SMYD3: variants seen among roughly 807,000 people sequenced by gnomAD.
SMYD3 encodes histone-lysine N-methyltransferase SMYD3.
Under a neutral mutation model 57.7 loss-of-function variants are expected in SMYD3, and 36 were observed. The ratio of observed to expected loss-of-function variants is 0.62; its 90% confidence interval spans 0.48 to 0.82. SMYD3 has a LOEUF of 0.82. SMYD3 is among the 40% of genes least tolerant of loss of function. The pLI, the probability that SMYD3 is intolerant of heterozygous loss-of-function variation, is 0.00. For synonymous variants in SMYD3, 211 were observed against 195.0 expected (o/e 1.08, Z -0.68); for missense variants, 515 against 538.8 (o/e 0.96, Z 0.44).
At chr1:246,006,244 C>T (rs779034023) in intron 5 of SMYD3, among the ~76,000 whole-genome samples, 11 of 151,926 alleles carry the variant, frequency 7.2e-5, no homozygotes, top group Non-Finnish European at 1.5e-4. Context: ...GTAGGAAGAG[C>T]CCGCCTTGCT....
At chr1:245,909,012 G>C (rs1468074705) in intron 8 of SMYD3, among the ~76,000 whole-genome samples, 1 of 151,542 alleles carries the variant, frequency 6.6e-6, no homozygotes, top group African/African-American at 2.4e-5. Flanking sequence ...CAATACAAAA[G>C]ATCAATGAAA....
At chr1:245,885,221 A>G (rs569773303) in intron 8 of SMYD3, among the ~76,000 whole-genome samples, 1 of 152,290 alleles carries the variant, frequency 6.6e-6, no homozygotes, top group African/African-American at 2.4e-5. Context: ...ATCTGAAGGA[A>G]TAAACTCCAG....
chr1:246,030,567 TCAC>T (rs948539694), intron 5 of SMYD3, among the ~76,000 whole-genome samples: 2 of 152,198 alleles, frequency 1.3e-5, no homozygotes, highest in African/African-American at 4.8e-5. Flanking sequence ...TTTTTAATGT[TCAC>T]AACACAAATA....
chr1:245,787,411 A>G (rs1045347519), intron 10 of SMYD3, among the ~76,000 whole-genome samples: 1 of 152,092 alleles, frequency 6.6e-6, no homozygotes, highest in Non-Finnish European at 1.5e-5. Flanking sequence ...TCACATCCAC[A>G]CTGTGAAGTA....
intron 5 of SMYD3, among the ~76,000 whole-genome samples, chr1:246,270,639 C>T (rs2064202841): frequency 6.6e-6 from 1 of 152,140 alleles, no homozygotes. Context: ...CATGTTGTAG[C>T]ATGTGTCTTC....
At chr1:246,379,210 G>A (rs896251736) in intron 1 of SMYD3, among the ~76,000 whole-genome samples, 1 of 150,524 alleles carries the variant, frequency 6.6e-6, no homozygotes, top group African/African-American at 2.4e-5. Context: ...TGAAACCACT[G>A]AACTAAAATG....
chr1:245,750,096 T>C (rs1448311140), intron 11 of SMYD3, among the ~76,000 whole-genome samples: 1 of 152,208 alleles, frequency 6.6e-6, no homozygotes, highest in East Asian at 1.9e-4. Context: ...TCTCACATTT[T>C]TTTTCATATC....
intron 5 of SMYD3, chr1:245,953,231 C>A (rs1251471217): frequency 3.0e-6 from 3 of 999,416 alleles, no homozygotes; most frequent in African/African-American, 1.7e-5. Flanking sequence ...GCAAGATTAC[C>A]TTTTCTTCTT....
chr1:246,190,445 C>T (rs949511858), intron 5 of SMYD3, among the ~76,000 whole-genome samples: 3 of 151,848 alleles, frequency 2.0e-5, no homozygotes, highest in Non-Finnish European at 4.4e-5. Flanking sequence ...ATTAGCCAGG[C>T]GTGGTGGCAG....
At chr1:245,810,119 G>A (rs1201856941) in intron 10 of SMYD3, among the ~76,000 whole-genome samples, 1 of 152,208 alleles carries the variant, frequency 6.6e-6, no homozygotes, top group Non-Finnish European at 1.5e-5. Flanking sequence ...AGGCGGCCTT[G>A]TCTCTTTCCG....
intron 1 of SMYD3, among the ~76,000 whole-genome samples, chr1:246,470,487 T>A (rs1312681978): frequency 1.6e-5 from 2 of 128,562 alleles, no homozygotes; most frequent in African/African-American, 5.6e-5. Flanking sequence ...AGAGCAAGAA[T>A]CTGTCTAAAA....
intron 5 of SMYD3, among the ~76,000 whole-genome samples, chr1:246,095,722 CA>C (rs1425578249): frequency 6.6e-6 from 1 of 152,178 alleles, no homozygotes; most frequent in African/African-American, 2.4e-5. Flanking sequence ...TACAAAAACT[CA>C]AAACTAAGCC....
chr1:246,308,935 A>AC (rs1285200169), intron 5 of SMYD3, among the ~76,000 whole-genome samples: 5 of 152,170 alleles, frequency 3.3e-5, no homozygotes, highest in African/African-American at 1.2e-4. Flanking sequence ...TAAAAAATGT[A>AC]AAATTACTTA....
chr1:245,946,901 A>G (rs754954555), intron 5 of SMYD3, among the ~76,000 whole-genome samples: 9 of 152,232 alleles, frequency 5.9e-5, no homozygotes, highest in Non-Finnish European at 1.2e-4. Context: ...AGCCTTCCTC[A>G]GCCAAAGATT....
At chr1:246,270,378 CATTCATA>C (rs1384862645) in intron 5 of SMYD3, among the ~76,000 whole-genome samples, 1 of 152,246 alleles carries the variant, frequency 6.6e-6, no homozygotes, top group Non-Finnish European at 1.5e-5. Flanking sequence ...TTACTAAATC[CATTCATA>C]ATGTTGTGCA....
At chr1:245,903,452 C>G (rs2054327262) in intron 8 of SMYD3, among the ~76,000 whole-genome samples, 1 of 152,070 alleles carries the variant, frequency 6.6e-6, no homozygotes, top group South Asian at 2.1e-4. Context: ...TCACCAATTG[C>G]CCCCACCCCC....
intron 5 of SMYD3, among the ~76,000 whole-genome samples, chr1:246,062,235 A>G (rs890009200): frequency 4.6e-5 from 7 of 152,176 alleles, no homozygotes; most frequent in African/African-American, 1.7e-4. Context: ...AAAAAAATCC[A>G]CAGAATATTT....
intron 8 of SMYD3, among the ~76,000 whole-genome samples, chr1:245,909,831 T>C (rs143501295): frequency 1.4e-3 from 218 of 152,134 alleles, no homozygotes; most frequent in African/African-American, 4.7e-3. Context: ...ATAAGGGCCA[T>C]ATATGACAAA....
chr1:246,219,660 A>C (rs929073342), intron 5 of SMYD3, among the ~76,000 whole-genome samples: 9 of 152,184 alleles, frequency 5.9e-5, no homozygotes, highest in African/African-American at 2.2e-4. Flanking sequence ...CTGTTAACGC[A>C]TAAGCCGTCT....
Sources: gnomAD v4.1 joint callset for allele counts (sites outside exome capture counted in the v4.1 genomes callset) on GRCh38, gnomAD v4.1.1 for gene constraint, MANE v1.5 for transcripts, NCBI Gene and HGNC (gene_info 2026-07-23, HGNC 2026-07-21) for gene names.